Variants in CDHR1 observed in about 807,000 individuals in gnomAD.
The protein encoded by CDHR1 is cadherin-related family member 1.
Under a neutral mutation model 72.1 loss-of-function variants are expected in CDHR1, and 61 were observed. The ratio of observed to expected loss-of-function variants is 0.85; its 90% confidence interval spans 0.69 to 1.05. The LOEUF is 1.05. Ranked by LOEUF, CDHR1 falls within the 50% of genes least tolerant of loss-of-function variation. The pLI is 0.00. For synonymous variants in CDHR1, 470 were observed against 448.1 expected (o/e 1.05, Z -0.62); for missense variants, 1,186 against 1,115.7 (o/e 1.06, Z -0.90).
intron 16 of CDHR1, among the ~76,000 whole-genome samples, chr10:84,213,816 G>A (rs1390550634): frequency 6.6e-6 from 1 of 152,162 alleles, no homozygotes; most frequent in Non-Finnish European, 1.5e-5. Flanking sequence ...GAGGTTGCTC[G>A]CATTGCGTTC....
rs1842134382 is a variant in CDHR1 at position 84,201,919 on chromosome 10, A to G, written c.638A>G (p.Lys213Arg). ...SRTHYITVVA[K>R]DGGGRLHGAD... ...ACCCACTACATCACCGTGGTCGCCA[A>G]GGTAACACAGCAGGACAGGGGAGCA... The change falls in exon 7 of 17, where the codon AAG becomes AGG. Residue 213 changes from lysine to arginine, a missense_variant and splice_region_variant. By Grantham distance (26) the Lys-to-Arg change is conservative. Coordinates refer to ENST00000623527, the MANE Select transcript of CDHR1 (RefSeq NM_033100.4). 1 of 1,601,490 alleles carries G rather than the reference A, an allele frequency of 6.2e-7. No homozygotes were observed. The highest frequency in any genetic ancestry group is 8.5e-7 in the Non-Finnish European group (1 of 1,177,630).
At chr10:84,211,739 C>G (rs1399180095) in intron 14 of CDHR1, 24 bp downstream of exon 14, 1 of 1,601,962 alleles carries the variant, frequency 6.2e-7, no homozygotes. Context: ...GAATCCAGGA[C>G]AGGGCCTTGG....
chr10:84,208,231 A>G lies in CDHR1; in HGVS notation c.1021A>G (p.Ile341Val), dbSNP rs148651354. Residue 341 changes from isoleucine to valine, a missense_variant, in exon 11 of 17, where the codon ATC (isoleucine) becomes GTC (valine). By Grantham distance (29) the Ile-to-Val change is conservative. Coordinates refer to ENST00000623527, the MANE Select transcript of CDHR1 (RefSeq NM_033100.4). ...TGCCCAGGCCACCGTCCCAGTCACC[A>G]TCAGGATTGTGGACCTCAACAACCA... ...PAAQATVPVT[I>V]RIVDLNNHPP... is the part of the protein sequence containing the mutation. The G allele has an allele frequency of 7.4e-5, 120 of 1,614,044 alleles. No individual in the cohort carries two copies. Among genetic ancestry groups the G allele is most frequent in the Non-Finnish European group, 1.0e-4 (119 of 1,180,042 alleles).
Position 84,217,149 on chromosome 10 carries a change from A to T in CDHR1, c.*2528A>T, listed in dbSNP as rs1372166939. 2.5e-5 allele frequency: 25 copies of T among 985,498 alleles called. No homozygotes were observed. The highest frequency in any genetic ancestry group is 2.4e-5 in the Non-Finnish European group (20 of 830,074). The allele number at this position is 985,498 out of a possible 1,614,324, so 61.0% of individuals were successfully genotyped here. On this transcript the variant is annotated 3_prime_UTR_variant, in exon 17 of 17. Transcript: ENST00000623527. ...TGTCAGCACTGGAGGAGACCCCGCCAGTGGGGTGAGGCCAGCCAAGTCCCT... is the reference window on the plus strand; with the variant it reads ...TGTCAGCACTGGAGGAGACCCCGCCTGTGGGGTGAGGCCAGCCAAGTCCCT...
In CDHR1 at chr10:84,212,265, A is replaced by C; in HGVS notation, c.1640A>C (p.Tyr547Ser). The C allele has an allele frequency of 6.2e-7, 1 of 1,614,214 alleles. No homozygotes were observed. The highest frequency in any genetic ancestry group is 8.5e-7 in the Non-Finnish European group (1 of 1,180,036). ...DAEATARYNF[Y>S]VKAEDMEGKY... Reference sequence around the variant, plus strand: ...GAGGCCACTGCCAGGTACAACTTCTATGTGAAGGCAGAGGACATGGAAGGC... The same window carrying C: ...GAGGCCACTGCCAGGTACAACTTCTCTGTGAAGGCAGAGGACATGGAAGGC... The change falls in exon 15 of 17, where the codon TAT (tyrosine) becomes TCT (serine). Residue 547 changes from tyrosine (Y) to serine (S), a missense_variant. Coordinates refer to ENST00000623527, the MANE Select transcript of CDHR1 (RefSeq NM_033100.4).
intron 5 of CDHR1, 52 bp downstream of exon 5, chr10:84,199,173 T>C (rs754299667): frequency 1.4e-6 from 2 of 1,458,648 alleles, no homozygotes; most frequent in South Asian, 1.2e-5. Context: ...GCCCATAGCC[T>C]ACCCCTGGGG....
Position 84,214,424 on chromosome 10 carries a change from C to T in CDHR1, c.2383C>T (p.Pro795Ser), listed in dbSNP as rs1292589410. The change falls in exon 17 of 17, where the codon CCT (proline) becomes TCT (serine). Residue 795 changes from proline to serine, a missense_variant. Physicochemically the swap from Pro to Ser is moderately conservative, Grantham distance 74. Coordinates refer to ENST00000623527, the MANE Select transcript of CDHR1 (RefSeq NM_033100.4). ...TCTGCTCCCGAGAGCTCCGGCTCTC[C>T]CTCCACCACCCAGCGTGGCGCCCAG... The part of the protein sequence containing the change: ...SSLLPRAPAL[P>S]PPPSVAPSTG... 6 of 1,613,366 alleles carry T rather than the reference C, an allele frequency of 3.7e-6. No homozygotes were observed. The highest frequency in any genetic ancestry group is 5.1e-6 in the Non-Finnish European group (6 of 1,180,024).
downstream of CDHR1, chr10:84,219,206 T>G: frequency 6.4e-7 from 1 of 1,550,822 alleles, no homozygotes; most frequent in Non-Finnish European, 8.7e-7. Flanking sequence ...CACTGCGAAA[T>G]TGCCTTATTC....
intron 12 of CDHR1, 146 bp downstream of exon 12, chr10:84,209,027 C>A (rs549809043): frequency 2.2e-6 from 2 of 913,254 alleles, no homozygotes; most frequent in East Asian, 2.6e-5. Flanking sequence ...GCCCCTCCTG[C>A]AGATTGCTCA....
chr10:84,212,975 T>C (rs1400355101), intron 15 of CDHR1, 116 bp from the exon 16 acceptor site: 4 of 1,329,300 alleles, frequency 3.0e-6, no homozygotes, highest in Non-Finnish European at 3.2e-6. Flanking sequence ...CCTCTCAAAA[T>C]AGGATCAGGA....
downstream of CDHR1, chr10:84,219,488 A>G (rs1000908975): frequency 1.9e-5 from 13 of 667,066 alleles, no homozygotes; most frequent in Non-Finnish European, 2.5e-5. Context: ...GAAGGTCTGA[A>G]CATCCACTCT....
rs1842277221 is a variant in CDHR1, at chr10:84,208,766, C to A, written c.1205C>A (p.Pro402His). 8 of 1,614,160 alleles carry A rather than the reference C, an allele frequency of 5.0e-6. No homozygotes were observed. The highest frequency in any genetic ancestry group is 6.8e-6 in the Non-Finnish European group (8 of 1,180,010). ...AAATTCAACTTGCAGCTGGTGGGACCCAGGGGCATCTTCCGAGTGGTTCCA... is the reference window on the plus strand; with the variant it reads ...AAATTCAACTTGCAGCTGGTGGGACACAGGGGCATCTTCCGAGTGGTTCCA... ...NAKFNLQLVG[P>H]RGIFRVVPQT... The change falls in exon 12 of 17, where the codon CCC (proline) becomes CAC (histidine). Residue 402 changes from proline to histidine, a missense_variant. By Grantham distance (77) the Pro-to-His change is moderately conservative. Transcript: ENST00000623527.
At chr10:84,208,665 A>G (rs1417255898) in intron 11 of CDHR1, 64 bp from the exon 12 acceptor site, 2 of 1,512,260 alleles carry the variant, frequency 1.3e-6, no homozygotes, top group Non-Finnish European at 1.8e-6. Context: ...AGACTTCTAT[A>G]TAGTATGATT....
chr10:84,200,816 G>C (rs112106823), intron 6 of CDHR1, 129 bp downstream of exon 6: 2 of 706,080 alleles, frequency 2.8e-6, no homozygotes, highest in African/African-American at 3.5e-5. Flanking sequence ...TGAAGGGTTG[G>C]GATGGGCAGG....
intron 12 of CDHR1, 152 bp downstream of exon 12, chr10:84,209,033 G>A: frequency 1.1e-6 from 1 of 882,562 alleles, no homozygotes; most frequent in Non-Finnish European, 1.8e-6. Flanking sequence ...CCTGCAGATT[G>A]CTCACAGATC....
chr10:84,206,953 T>A (rs1028470247), intron 10 of CDHR1, among the ~76,000 whole-genome samples: 11 of 151,952 alleles, frequency 7.2e-5, no homozygotes, highest in Non-Finnish European at 1.5e-4. Context: ...AATGAGGAAA[T>A]TGCCTGATCT....
rs530860050 is a variant in CDHR1, at chr10:84,201,282, C to A, written c.526-525C>A. On this transcript the variant is annotated intron_variant, in intron 6 of 16. Transcript: ENST00000623527. ...CCTGGCACAAGCGCCTGACACTACC[C>A]AGCCAGAAGGGCCCCCAGGGACCCT... 3.3e-5 allele frequency among the ~76,000 whole-genome samples: 5 copies of A among 152,338 alleles called. No individual in the cohort carries two copies. The South Asian group carries it at 1.0e-3, about 32-fold the overall frequency.
chr10:84,197,443 AAG>A (rs1842048344), intron 3 of CDHR1, among the ~76,000 whole-genome samples: 2 of 152,154 alleles, frequency 1.3e-5, no homozygotes, highest in Admixed American at 1.3e-4. Context: ...AGGGAAAAGA[AAG>A]AGGAAAAGTC....
intron 12 of CDHR1, 75 bp downstream of exon 12, chr10:84,208,956 T>C: frequency 6.8e-7 from 1 of 1,477,562 alleles, no homozygotes; most frequent in Non-Finnish European, 9.3e-7. Context: ...GGTTCATTCC[T>C]GAGGGGTCTC....
Sources: gnomAD v4.1 joint callset for allele counts (sites outside exome capture counted in the v4.1 genomes callset) on GRCh38, gnomAD v4.1.1 for gene constraint, MANE v1.5 for transcripts, NCBI Gene and HGNC (gene_info 2026-07-23, HGNC 2026-07-21) for gene names.